GNB4: variants seen among roughly 807,000 people sequenced by gnomAD.
GNB4 encodes the protein guanine nucleotide-binding protein subunit beta-4.
Under a neutral mutation model 45.2 loss-of-function variants are expected in GNB4, and 28 were observed. That is an observed-to-expected ratio of 0.62 (90% CI 0.46 to 0.85). The LOEUF is 0.85. Among genes scored for constraint, GNB4 ranks in the 40% least tolerant of loss-of-function variants. The pLI, the probability that GNB4 is intolerant of heterozygous loss-of-function variation, is 0.00. For missense variants in GNB4, 321 were observed against 425.4 expected, an observed-to-expected ratio of 0.75 and a Z score of 2.16; for synonymous variants, 132 against 143.7, an observed-to-expected ratio of 0.92 and a Z score of 0.58.
At chr3:179,433,291 A>G (rs1715358276) in intron 1 of GNB4, among the ~76,000 whole-genome samples, 2 of 152,158 alleles carry the variant, frequency 1.3e-5, no homozygotes, top group Non-Finnish European at 2.9e-5. Context: ...AACTTTCAAC[A>G]TAGGGGAGCA....
chr3:179,492,816 C>A, the GNB4 span, among the ~76,000 whole-genome samples: 1 of 152,126 alleles, frequency 6.6e-6, no homozygotes, highest in Non-Finnish European at 1.5e-5. Context: ...GGTCTTTGCC[C>A]CCTCAAGGTA....
At chr3:179,487,853 C>A in the GNB4 span, among the ~76,000 whole-genome samples, 3 of 152,038 alleles carry the variant, frequency 2.0e-5, no homozygotes, top group African/African-American at 7.2e-5. Context: ...GATTTGAGAC[C>A]AGCCTGCCCA....
chr3:179,431,330 G>A (rs764610320), intron 1 of GNB4, among the ~76,000 whole-genome samples: 1 of 152,160 alleles, frequency 6.6e-6, no homozygotes, highest in Non-Finnish European at 1.5e-5. Flanking sequence ...GCCGAGGCGG[G>A]TGGATCACTT....
rs560050774 is a variant in GNB4 at position 179,409,855 on chromosome 3, A to G, written c.699+3557T>C. On this transcript the variant is annotated intron_variant, in intron 8 of 9. Transcript: ENST00000232564. The stretch of plus-strand genomic sequence containing the variant: ...AAACAAAAAAAAAACTAGAAAAAGA[A>G]AAGCCAGTGAATCCGAGTGATCAGT... Among the ~76,000 whole-genome samples, 21 of 152,154 alleles carry G rather than the reference A, an allele frequency of 1.4e-4. No individual in the cohort carries two copies. In the South Asian group the frequency reaches 4.4e-3, roughly 32 times the overall value.
At chr3:179,480,436 T>C in the GNB4 span, among the ~76,000 whole-genome samples, 1 of 152,192 alleles carries the variant, frequency 6.6e-6, no homozygotes, top group Non-Finnish European at 1.5e-5. Context: ...CTTTTCCATA[T>C]ACTGTCTCTC....
chr3:179,429,035 C>T (rs543204503), intron 1 of GNB4, among the ~76,000 whole-genome samples: 5 of 152,276 alleles, frequency 3.3e-5, no homozygotes, highest in African/African-American at 4.8e-5. Context: ...GATGGGGCAC[C>T]GATGGGATGA....
In GNB4 at chr3:179,400,739, T is replaced by C. The variant is rs921780955; in HGVS notation, c.*474A>G. On this transcript the variant is annotated 3_prime_UTR_variant, in exon 10 of 10. Transcript: ENST00000232564. ...AGGATCTCTTAGATTCAAAGAGATA[T>C]CAGAATTCAAGGGGACTTTCTTCAG... 2 of 152,342 alleles carry C rather than the reference T, an allele frequency of 1.3e-5. No homozygotes were observed. Among genetic ancestry groups the C allele is most frequent in the South Asian group, 2.1e-4 (1 of 4,832 alleles). The allele number at this position is 152,342 out of a possible 1,614,324, so 9.4% of individuals were successfully genotyped here. A position where few individuals can be genotyped will look rare whatever the true frequency, so the allele number is the denominator to read the frequency against.
intron 3 of GNB4, among the ~76,000 whole-genome samples, chr3:179,420,471 T>TA (rs1253373563): frequency 1.6e-4 from 12 of 73,108 alleles, no homozygotes; most frequent in East Asian, 5.5e-4. Context: ...TATATATATA[T>TA]TTTTTTTTGA....
intron 4 of GNB4, among the ~76,000 whole-genome samples, chr3:179,418,470 C>CAAAAAAAAAAAAAAAAAAAAAAAAA (rs386356535): frequency 2.1e-5 from 2 of 95,402 alleles, no homozygotes; most frequent in Admixed American, 1.2e-4. Flanking sequence ...AACTCTGTCT[C>CAAAAAAAAAAAAAAAAAAAAAAAAA]AAAAAAAAAA....
chr3:179,428,324 C>A (rs1715204166), intron 1 of GNB4, among the ~76,000 whole-genome samples: 1 of 152,070 alleles, frequency 6.6e-6, no homozygotes, highest in Non-Finnish European at 1.5e-5. Context: ...TGAGTCTTAA[C>A]CATTCCCTGA....
At chr3:179,492,468 T>C in the GNB4 span, among the ~76,000 whole-genome samples, 3 of 151,936 alleles carry the variant, frequency 2.0e-5, no homozygotes, top group Non-Finnish European at 2.9e-5. Flanking sequence ...TGCTGTGCCG[T>C]TTCCCCAGGG....
the GNB4 span, among the ~76,000 whole-genome samples, chr3:179,501,298 ATT>A: frequency 0.19 from 24,380 of 131,078 alleles, 1,766 homozygotes; most frequent in Middle Eastern, 0.27. Flanking sequence ...AATTGCCTAC[ATT>A]TTTTTTTTTT....
At chr3:179,484,828 CTA>C in the GNB4 span, among the ~76,000 whole-genome samples, 1 of 101,118 alleles carries the variant, frequency 9.9e-6, no homozygotes, top group East Asian at 4.2e-4. Flanking sequence ...ATATATATAG[CTA>C]TATATATGTG....
At chr3:179,471,342 AC>A in the GNB4 span, among the ~76,000 whole-genome samples, 3 of 152,198 alleles carry the variant, frequency 2.0e-5, no homozygotes, top group African/African-American at 7.2e-5. Flanking sequence ...TCACTGACTC[AC>A]CCAGAGCAGA....
the GNB4 span, among the ~76,000 whole-genome samples, chr3:179,510,427 C>T: frequency 2.0e-5 from 3 of 152,114 alleles, no homozygotes; most frequent in Non-Finnish European, 4.4e-5. Context: ...AGGATATCTC[C>T]CTGCTGGCTT....
At chr3:179,421,002 G>A (rs1322851532) in intron 2 of GNB4, 75 bp from the exon 3 acceptor site, 4 of 853,346 alleles carry the variant, frequency 4.7e-6, no homozygotes, top group East Asian at 2.5e-5. Flanking sequence ...TATTGAAAAC[G>A]TAGATTTGTG....
chr3:179,443,102 C>T (rs1001120295), intron 1 of GNB4, among the ~76,000 whole-genome samples: 6 of 152,182 alleles, frequency 3.9e-5, no homozygotes, highest in Admixed American at 3.9e-4. Context: ...TTTCATCCAA[C>T]AAATGTTTAT....
rs536463355 is a variant in GNB4, at chr3:179,396,944, T to C, written c.*4269A>G. 2.0e-5 allele frequency: 3 copies of C among 152,360 alleles called. No individual in the cohort carries two copies. In the East Asian group the frequency reaches 5.8e-4, roughly 29 times the overall value. The allele number at this position is 152,360 out of a possible 1,614,324, so 9.4% of individuals were successfully genotyped here. On this transcript the variant is annotated 3_prime_UTR_variant, in exon 10 of 10. Transcript: ENST00000232564. Reference sequence around the variant, plus strand: ...TAATCTAATTTAAAATATAAATTCATTGTGCAACCCATAAGAAAGATGGTC... The same window carrying C: ...TAATCTAATTTAAAATATAAATTCACTGTGCAACCCATAAGAAAGATGGTC...
chr3:179,522,281 A>AC, the GNB4 span, among the ~76,000 whole-genome samples: 2 of 147,440 alleles, frequency 1.4e-5, no homozygotes, highest in African/African-American at 2.7e-5. Flanking sequence ...CACCTTGTGA[A>AC]CCCCCGCCCC....
Sources: allele counts gnomAD v4.1 joint callset (sites outside exome capture counted in the v4.1 genomes callset), GRCh38; gene constraint gnomAD v4.1.1; transcripts MANE v1.5; gene names NCBI Gene and HGNC (gene_info 2026-07-23, HGNC 2026-07-21).